The following TNFRSF21 variants were observed in gnomAD, a reference collection of about 807,000 sequenced individuals.
TNFRSF21 encodes the protein TNF receptor superfamily member 21, also known as tumor necrosis factor receptor superfamily member 21.
A neutral mutation model predicts 45.6 loss-of-function variants in TNFRSF21; 19 were observed. The ratio of observed to expected loss-of-function variants is 0.42; its 90% CI spans 0.29 to 0.61. TNFRSF21 has a LOEUF of 0.61. TNFRSF21 is among the 20% of genes least tolerant of loss of function. The pLI is 0.23. For synonymous variants in TNFRSF21, 314 were observed against 335.5 expected (o/e 0.94, Z 0.70); for missense variants, 737 against 851.5 (o/e 0.87, Z 1.67).
chr6:47,286,689 C>A, intron 1 of TNFRSF21, 94 bp from the exon 2 acceptor site: 1 of 1,306,564 alleles, frequency 7.7e-7, no homozygotes, highest in Non-Finnish European at 1.0e-6. Context: ...CCAGCACCAC[C>A]ATCATCATTC....
At chr6:47,307,652 G>A (rs137952832) in intron 1 of TNFRSF21, among the ~76,000 whole-genome samples, 79 of 152,284 alleles carry the variant, frequency 5.2e-4, no homozygotes, top group African/African-American at 1.8e-3. Flanking sequence ...GGGATTACAG[G>A]CATAAGCCAG....
chr6:47,289,133 C>T (rs960787932), intron 1 of TNFRSF21, among the ~76,000 whole-genome samples: 10 of 152,192 alleles, frequency 6.6e-5, no homozygotes, highest in Non-Finnish European at 1.2e-4. Context: ...TTATGAAATG[C>T]ACAAAGTTTA....
At chr6:47,291,866 C>T (rs116661502) in intron 1 of TNFRSF21, among the ~76,000 whole-genome samples, 3,466 of 152,314 alleles carry the variant, frequency 0.023, 49 homozygotes, top group Middle Eastern at 0.078. Flanking sequence ...TGGCCTCTTT[C>T]GCCTGAGTGA....
intron 3 of TNFRSF21, among the ~76,000 whole-genome samples, chr6:47,278,634 C>T (rs1762529128): frequency 6.6e-6 from 1 of 152,158 alleles, no homozygotes; most frequent in Non-Finnish European, 1.5e-5. Flanking sequence ...TCTCTAAGAA[C>T]TTAGAAGCTA....
At chr6:47,265,529 T>C (rs1262458575) in intron 3 of TNFRSF21, among the ~76,000 whole-genome samples, 3 of 152,234 alleles carry the variant, frequency 2.0e-5, no homozygotes, top group Non-Finnish European at 4.4e-5. Flanking sequence ...CTGGCACTGC[T>C]ACTTCCTAGC....
chr6:47,296,672 C>T (rs1033866246), intron 1 of TNFRSF21, among the ~76,000 whole-genome samples: 2 of 152,128 alleles, frequency 1.3e-5, no homozygotes, highest in African/African-American at 4.8e-5. Flanking sequence ...CATAAAAGCC[C>T]AAAAGGACTG....
chr6:47,238,341 G>A (rs1415272068), intron 4 of TNFRSF21, among the ~76,000 whole-genome samples: 2 of 152,240 alleles, frequency 1.3e-5, no homozygotes, highest in African/African-American at 2.4e-5. Context: ...GGCCTGTAAA[G>A]GCAATGTATC....
At chr6:47,271,854 G>A (rs570413902) in intron 3 of TNFRSF21, among the ~76,000 whole-genome samples, 43 of 152,148 alleles carry the variant, frequency 2.8e-4, no homozygotes, top group African/African-American at 9.9e-4. Flanking sequence ...AAAAAAAGTA[G>A]GGGTTGCAAT....
intron 3 of TNFRSF21, among the ~76,000 whole-genome samples, chr6:47,265,870 G>A (rs73736387): frequency 0.016 from 2,360 of 152,204 alleles, 53 homozygotes; most frequent in African/African-American, 0.054. Flanking sequence ...CAAAACCAAA[G>A]TGTCAAAGTG....
intron 4 of TNFRSF21, among the ~76,000 whole-genome samples, chr6:47,242,880 T>A (rs1318509329): frequency 3.9e-5 from 6 of 152,242 alleles, no homozygotes; most frequent in Non-Finnish European, 8.8e-5. Context: ...TGGAAATTCC[T>A]TAGGTTTCCC....
chr6:47,287,087 C>G (rs1233535136), intron 1 of TNFRSF21, among the ~76,000 whole-genome samples: 1 of 151,948 alleles, frequency 6.6e-6, no homozygotes, highest in Non-Finnish European at 1.5e-5. Context: ...GCACGCAGAT[C>G]ACCTGAGGTC....
intron 1 of TNFRSF21, among the ~76,000 whole-genome samples, chr6:47,287,626 A>G (rs1056940781): frequency 1.3e-5 from 2 of 152,226 alleles, no homozygotes; most frequent in African/African-American, 4.8e-5. Context: ...TCAAATTTAT[A>G]CACATATTTT....
chr6:47,244,948 C>A (rs184007859), intron 4 of TNFRSF21, among the ~76,000 whole-genome samples: 2 of 152,336 alleles, frequency 1.3e-5, no homozygotes, highest in South Asian at 2.1e-4. Context: ...GGAAGCTATT[C>A]AACTTTATCC....
intron 3 of TNFRSF21, among the ~76,000 whole-genome samples, chr6:47,260,307 G>A (rs2281447): frequency 0.43 from 65,717 of 151,928 alleles, 16,356 homozygotes; most frequent in African/African-American, 0.67. Flanking sequence ...TGCTGCTACC[G>A]CCTCTGCCAC....
intron 1 of TNFRSF21, among the ~76,000 whole-genome samples, chr6:47,295,200 GAC>G (rs1441603509): frequency 2.0e-5 from 3 of 152,254 alleles, no homozygotes; most frequent in Non-Finnish European, 2.9e-5. Flanking sequence ...TCTATTCTCG[GAC>G]ACAGAGATGG....
intron 4 of TNFRSF21, among the ~76,000 whole-genome samples, chr6:47,245,250 A>G (rs1320160519): frequency 6.6e-6 from 1 of 152,112 alleles, no homozygotes; most frequent in East Asian, 1.9e-4. Flanking sequence ...TCACATATCT[A>G]TCCCTCCTAT....
chr6:47,265,735 C>G (rs1025617044), intron 3 of TNFRSF21, among the ~76,000 whole-genome samples: 1 of 152,140 alleles, frequency 6.6e-6, no homozygotes, highest in Admixed American at 6.5e-5. Context: ...GCAGAAGAAG[C>G]CTTTCCTATA....
At chr6:47,240,927 C>G (rs899673418) in intron 4 of TNFRSF21, among the ~76,000 whole-genome samples, 3 of 152,164 alleles carry the variant, frequency 2.0e-5, no homozygotes, top group Non-Finnish European at 4.4e-5. Flanking sequence ...CAAAGGAATT[C>G]TAGTCGCGAA....
intron 3 of TNFRSF21, among the ~76,000 whole-genome samples, chr6:47,255,424 G>T (rs1271329758): frequency 2.0e-5 from 3 of 151,896 alleles, no homozygotes; most frequent in Admixed American, 2.0e-4. Flanking sequence ...ACTACAACGG[G>T]TGAGTGAGTC....
Sources: allele counts gnomAD v4.1 joint callset (sites outside exome capture counted in the v4.1 genomes callset), GRCh38; gene constraint gnomAD v4.1.1; transcripts MANE v1.5; gene names NCBI Gene and HGNC (gene_info 2026-07-23, HGNC 2026-07-21).